The following NECTIN1 variants were observed in gnomAD, a reference collection of about 807,000 sequenced individuals.
NECTIN1 encodes nectin cell adhesion molecule 1, also known as nectin-1.
In NECTIN1, 23 loss-of-function variants were observed where a neutral mutation model predicts 48.0. The ratio of observed to expected loss-of-function variants is 0.48; its 90% CI spans 0.34 to 0.68. NECTIN1 has a LOEUF of 0.68. Among genes scored for constraint, NECTIN1 ranks in the 30% least tolerant of loss-of-function variants. The pLI is 0.01. For missense variants in NECTIN1, 591 were observed against 709.9 expected (o/e 0.83, Z 1.90); for synonymous variants, 270 against 288.9 (o/e 0.93, Z 0.66).
In NECTIN1 at chr11:119,665,258, C is replaced by A; in HGVS notation, c.1043G>T (p.Arg348Leu). The A allele has an allele frequency of 5.0e-6, 8 of 1,597,242 alleles. No homozygotes were observed. The highest frequency in any genetic ancestry group is 6.8e-6 in the Non-Finnish European group (8 of 1,176,876). Residue 348 changes from arginine to leucine, a missense_variant, in exon 6 of 6, where the codon CGC becomes CTC. Physicochemically the swap from Arg to Leu is moderately radical, Grantham distance 102. Coordinates refer to ENST00000264025, the MANE Select transcript of NECTIN1 (RefSeq NM_002855.5). This position sits in a 1 kb window ranked among gnomAD's most constrained non-coding sequence, Gnocchi z 5.1. ...GATGGCCGTGGGCACCGGCCCGGCG[C>A]GCCGCCCATGTTCGGGAGGAGACGG... ...YTPSPPEHGR[R>L]AGPVPTAIIG...
At chr11:119,713,667 AC>A (rs1865696952) in intron 1 of NECTIN1, 1 of 358,874 alleles carries the variant, frequency 2.8e-6, no homozygotes, top group Admixed American at 3.5e-5. Context: ...AAAGAATGGG[AC>A]CGCAGTGATT....
intron 1 of NECTIN1, among the ~76,000 whole-genome samples, chr11:119,712,021 C>T (rs1266209466): frequency 6.6e-6 from 1 of 152,172 alleles, no homozygotes; most frequent in Non-Finnish European, 1.5e-5. Context: ...AGCCAGGGCT[C>T]CGGTGCACAG....
intron 1 of NECTIN1, chr11:119,713,957 G>A (rs1399434176): frequency 2.3e-6 from 1 of 434,648 alleles, no homozygotes; most frequent in Admixed American, 2.5e-5. Flanking sequence ...AGAGTCTCCT[G>A]GGCTTTGGGG....
chr11:119,710,682 A>G (rs1390553103), intron 1 of NECTIN1, among the ~76,000 whole-genome samples: 1 of 152,186 alleles, frequency 6.6e-6, no homozygotes, highest in Non-Finnish European at 1.5e-5. Flanking sequence ...GGAGACAGGA[A>G]CAGCAAAGGC....
In NECTIN1 at chr11:119,677,835, C is replaced by A. The variant is rs1229255733; in HGVS notation, c.453G>T (p.Glu151Asp). Residue 151 changes from glutamate to aspartate, a missense_variant, in exon 3 of 6, where the codon GAG (glutamate) becomes GAT (aspartate). Glu to Asp is a conservative substitution (Grantham distance 45). Transcript: ENST00000264025. This position sits in a 1 kb window ranked among gnomAD's most constrained non-coding sequence, Gnocchi z 5.4. ...TGGCTCGAAGCACTGCCTGGGTACC[C>A]TCTATCCAATTGGTGGGTTTGGCTG... ...TVMAKPTNWI[E>D]GTQAVLRAKK... The A allele has an allele frequency of 6.2e-7, 1 of 1,614,138 alleles. No homozygotes were observed. The highest frequency in any genetic ancestry group is 1.3e-5 in the African/African-American group (1 of 75,028).
chr11:119,719,513 A>G (rs1379515924), intron 1 of NECTIN1, among the ~76,000 whole-genome samples: 1 of 152,224 alleles, frequency 6.6e-6, no homozygotes, highest in East Asian at 1.9e-4. Context: ...ATTTTTCCAT[A>G]TATAAAACTG....
At chr11:119,670,100 A>G (rs1425661675) in intron 5 of NECTIN1, among the ~76,000 whole-genome samples, 2 of 151,830 alleles carry the variant, frequency 1.3e-5, no homozygotes, top group Non-Finnish European at 2.9e-5. Context: ...CTGGGATTAC[A>G]GGCATGTGCC....
intron 1 of NECTIN1, chr11:119,687,373 T>G (rs1195404279): frequency 6.6e-6 from 1 of 152,152 alleles, no homozygotes; most frequent in Non-Finnish European, 1.5e-5. Flanking sequence ...CACTCCCCGG[T>G]TCATCGCCCC....
chr11:119,640,133 C>A lies in NECTIN1; in HGVS notation c.1004-121G>T, dbSNP rs969771421. 7.4e-6 allele frequency: 8 copies of A among 1,088,374 alleles called. No homozygotes were observed. In the African/African-American group the frequency reaches 1.2e-4, roughly 17 times the overall value. The allele number at this position is 1,088,374 out of a possible 1,614,324, so 67.4% of individuals were successfully genotyped here. The stretch of plus-strand genomic sequence containing the variant: ...TCTGCCTTTGACATTGCACCCCCAG[C>A]TCCCCTCCCCATGGTGCTCCAGTTC... On this transcript the variant is annotated intron_variant, in intron 5 of 7. Coordinates refer to the NECTIN1 transcript ENST00000341398.
At chr11:119,648,304 GTGATGGTGGTGATGGTGATGGTGGTGA>G (rs1565376537) in intron 5 of NECTIN1, among the ~76,000 whole-genome samples, 1,119 of 9,300 alleles carry the variant, frequency 0.12, 236 homozygotes, top group East Asian at 0.24. Flanking sequence ...GGTGGTGGTG[GTGATGGTGGTGATGGTGATGGTGGTGA>G]TGGTGGTGGT....
Position 119,664,964 on chromosome 11 carries a change from C to G in NECTIN1, c.1337G>C (p.Gly446Ala). 6.2e-7 allele frequency: 1 copy of G among 1,610,402 alleles called. No individual in the cohort carries two copies. Among genetic ancestry groups the G allele is most frequent in the Non-Finnish European group, 8.5e-7 (1 of 1,176,952 alleles). Residue 446 changes from glycine to alanine, a missense_variant, in exon 6 of 6, where the codon GGT becomes GCT. Gly to Ala is a moderately conservative substitution (Grantham distance 60). Transcript: ENST00000264025. ...GCCCACCTTGCGCTCGCCCCCTCCA[C>G]CGCCCTCCTCCTCCTCCTCCTCCTC... ...YEEEEEEEEG[G>A]GGGERKVGGP...
chr11:119,663,834 A>C lies in NECTIN1; in HGVS notation c.*913T>G. 6 of 985,548 alleles carry C rather than the reference A, an allele frequency of 6.1e-6. No individual in the cohort carries two copies. Among genetic ancestry groups the C allele is most frequent in the Non-Finnish European group, 7.2e-6 (6 of 830,026 alleles). 61.1% of individuals were successfully genotyped at this position (985,548 alleles called of 1,614,324 possible). On this transcript the variant is annotated 3_prime_UTR_variant, in exon 6 of 6. Coordinates refer to ENST00000264025, the MANE Select transcript of NECTIN1 (RefSeq NM_002855.5). ...CTGGAAGCTTCTATAGGCAGACCCCATTCTCAGCTTAAAGGGGGAATGAGG... is the reference window on the plus strand; with the variant it reads ...CTGGAAGCTTCTATAGGCAGACCCCCTTCTCAGCTTAAAGGGGGAATGAGG...
intron 1 of NECTIN1, among the ~76,000 whole-genome samples, chr11:119,700,575 G>A (rs1026078239): frequency 1.3e-5 from 2 of 152,204 alleles, no homozygotes; most frequent in East Asian, 1.9e-4. Flanking sequence ...AAGGCAACAA[G>A]CTCTCAGGCC....
rs1371876146 is a variant in NECTIN1, at chr11:119,709,845, G to C, written c.79+18630C>G. The C allele has an allele frequency of 6.6e-6, 1 of 152,318 alleles. No homozygotes were observed. Among genetic ancestry groups the C allele is most frequent in the African/African-American group, 2.4e-5 (1 of 41,428 alleles). The allele number at this position is 152,318 out of a possible 1,614,324, so 9.4% of individuals were successfully genotyped here. On this transcript the variant is annotated intron_variant, in intron 1 of 5. Transcript: ENST00000264025. This position sits in a 1 kb window ranked among gnomAD's most constrained non-coding sequence, Gnocchi z 4.1. ...GCCACTTCTCTCACCACAAACCTCA[G>C]TCTCAAGCCACTTGGTTGTCATGGA... is the stretch of plus-strand genomic sequence containing the variant.
chr11:119,644,852 AG>A (rs1189384460), intron 5 of NECTIN1, among the ~76,000 whole-genome samples: 8 of 152,120 alleles, frequency 5.3e-5, no homozygotes, highest in Non-Finnish European at 1.2e-4. Context: ...ACAAGGAATC[AG>A]GGGGCTGGGA....
chr11:119,672,497 C>T lies in NECTIN1; in HGVS notation c.1003+2662G>A, dbSNP rs78920536. 8.8e-3 allele frequency among the ~76,000 whole-genome samples: 1,344 copies of T among 152,270 alleles called. 15 individuals are homozygous for T. Among genetic ancestry groups the T allele is most frequent in the African/African-American group, 0.031 (1,284 of 41,538 alleles). On this transcript the variant is annotated intron_variant, in intron 5 of 5. Transcript: ENST00000264025. This position sits in a 1 kb window ranked among gnomAD's most constrained non-coding sequence, Gnocchi z 4.3. ...CACGGAAGCACACACAGATTCTGTC[C>T]GGTCCATCTCCTCGGTGCCCCCATC...
chr11:119,694,960 T>C (rs988552004), intron 1 of NECTIN1, among the ~76,000 whole-genome samples: 3 of 152,036 alleles, frequency 2.0e-5, no homozygotes, highest in African/African-American at 7.2e-5. Context: ...AATACAGCCA[T>C]TCAGCTCCCT....
chr11:119,692,131 T>G (rs1865266927), intron 1 of NECTIN1, among the ~76,000 whole-genome samples: 1 of 152,000 alleles, frequency 6.6e-6, no homozygotes, highest in South Asian at 2.1e-4. Context: ...ACCATCCCTC[T>G]GCCCAACACG....
intron 5 of NECTIN1, among the ~76,000 whole-genome samples, chr11:119,671,579 T>A (rs1439181371): frequency 6.6e-6 from 1 of 152,166 alleles, no homozygotes; most frequent in East Asian, 1.9e-4. Flanking sequence ...AGAGAATGTT[T>A]GGGTTTGCCT....
Sources: gnomAD v4.1 joint callset for allele counts (sites outside exome capture counted in the v4.1 genomes callset) on GRCh38, gnomAD v4.1.1 for gene constraint, Gnocchi (gnomAD v3.1) non-coding constraint, MANE v1.5 for transcripts, NCBI Gene and HGNC (gene_info 2026-07-23, HGNC 2026-07-21) for gene names.